The following C9 variants were observed in gnomAD, a reference collection of about 807,000 sequenced individuals.
C9 encodes the protein complement C9, also known as complement component C9.
In C9, 63 loss-of-function variants were observed where a neutral mutation model predicts 65.4. The ratio of observed to expected loss-of-function variants is 0.96; its 90% CI spans 0.79 to 1.19. The LOEUF is 1.19. C9 is among the 50% of genes most tolerant of loss of function. The pLI, the probability that C9 is intolerant of heterozygous loss-of-function variation, is 0.00. For synonymous variants in C9, 229 were observed against 227.9 expected (o/e 1.00, Z -0.04); for missense variants, 744 against 670.1 (o/e 1.11, Z -1.22).
chr5:39,310,091 C>T (rs1221106245), intron 7 of C9, among the ~76,000 whole-genome samples: 1 of 152,136 alleles, frequency 6.6e-6, no homozygotes, highest in Admixed American at 6.6e-5. Flanking sequence ...CCCGGGAAAG[C>T]TTCTCTCTGC....
At chr5:39,300,122 A>G (rs1390249794) in intron 9 of C9, among the ~76,000 whole-genome samples, 1 of 152,110 alleles carries the variant, frequency 6.6e-6, no homozygotes, top group East Asian at 1.9e-4. Context: ...TTTGTCAAAG[A>G]TGAAAATAGG....
At chr5:39,357,146 A>G (rs1754425862) in intron 1 of C9, among the ~76,000 whole-genome samples, 1 of 152,216 alleles carries the variant, frequency 6.6e-6, no homozygotes, top group Non-Finnish European at 1.5e-5. Context: ...AGAAAGCCTC[A>G]GTAGCACCTC....
intron 1 of C9, among the ~76,000 whole-genome samples, chr5:39,347,682 A>G (rs983565973): frequency 1.3e-5 from 2 of 152,210 alleles, no homozygotes; most frequent in African/African-American, 4.8e-5. Context: ...TAAAGTTCAT[A>G]TGGAACCACA....
At chr5:39,340,974 A>C in intron 4 of C9, 172 bp downstream of exon 4, 1 of 735,552 alleles carries the variant, frequency 1.4e-6, no homozygotes, top group South Asian at 1.7e-5. Context: ...TTATCCTGAG[A>C]TGCTTATTTA....
chr5:39,313,591 T>A (rs1753523907), intron 6 of C9, among the ~76,000 whole-genome samples: 1 of 152,194 alleles, frequency 6.6e-6, no homozygotes, highest in Non-Finnish European at 1.5e-5. Flanking sequence ...GATTCTAGCC[T>A]CCCAGCGATG....
At position 39,352,088 on chromosome 5, in the gene C9, G is replaced by A. The variant is rs1374332076; in HGVS notation, c.78-9892C>T. ...CCCAATCATGGTGGAAGGGTGAAGG[G>A]GAAGCAAGCACATCTTCACATAGTG... On this transcript the variant is annotated intron_variant, in intron 1 of 10. Coordinates refer to ENST00000263408, the MANE Select transcript of C9 (RefSeq NM_001737.5). Among the ~76,000 whole-genome samples, 4 of 152,154 alleles carry A rather than the reference G, an allele frequency of 2.6e-5. No homozygotes were observed. In the East Asian group the frequency reaches 5.8e-4, roughly 22 times the overall value.
At chr5:39,318,931 A>G (rs1217723853) in intron 5 of C9, among the ~76,000 whole-genome samples, 4 of 152,216 alleles carry the variant, frequency 2.6e-5, no homozygotes, top group Non-Finnish European at 5.9e-5. Context: ...ATTTATTTCT[A>G]GTCAATCTCT....
intron 5 of C9, among the ~76,000 whole-genome samples, chr5:39,317,692 A>T (rs1391405028): frequency 6.6e-6 from 1 of 152,034 alleles, no homozygotes; most frequent in Non-Finnish European, 1.5e-5. Context: ...ATTGTGTTCC[A>T]TTGGTCTATG....
At chr5:39,359,649 A>G (rs889621577) in intron 1 of C9, among the ~76,000 whole-genome samples, 36 of 152,194 alleles carry the variant, frequency 2.4e-4, no homozygotes, top group African/African-American at 8.4e-4. Context: ...TGGCAGCATT[A>G]TTGGAGCAAA....
Position 39,284,643 on chromosome 5 carries a change from T to C in C9, c.*556A>G, listed in dbSNP as rs1561328411. 6.6e-6 allele frequency: 1 copy of C among 152,540 alleles called. No individual in the cohort carries two copies. The highest frequency in any genetic ancestry group is 2.1e-4 in the South Asian group (1 of 4,848). 9.4% of individuals were successfully genotyped at this position (152,540 alleles called of 1,614,324 possible). ...TAGTAGTTTTTGGTTACAAATATAA[T>C]ATGTTTTCCCCCTTGGACACATGGA... On this transcript the variant is annotated 3_prime_UTR_variant, in exon 11 of 11. Transcript: ENST00000263408.
intron 1 of C9, among the ~76,000 whole-genome samples, chr5:39,353,506 A>G (rs570180600): frequency 6.6e-6 from 1 of 152,298 alleles, no homozygotes; most frequent in African/African-American, 2.4e-5. Flanking sequence ...GCTATTCACT[A>G]TTCACTACAT....
At chr5:39,303,527 A>G (rs1415122552) in intron 9 of C9, among the ~76,000 whole-genome samples, 3 of 148,520 alleles carry the variant, frequency 2.0e-5, no homozygotes, top group Non-Finnish European at 4.5e-5. Context: ...ATAGTATTTT[A>G]TAAATTATAT....
rs753246845 is a variant in C9, at chr5:39,341,213, C to T, written c.409G>A (p.Glu137Lys). 5.0e-6 allele frequency: 8 copies of T among 1,614,172 alleles called. No homozygotes were observed. Among genetic ancestry groups the T allele is most frequent in the South Asian group, 4.4e-5 (4 of 91,080 alleles). ...DFSDEDDCES[E>K]PRPPCRDRVV... ...CTGTCTCTGCAGGGGGGACGGGGCT[C>T]ACTTTCACAATCATCCTCATCTGAA... Residue 137 changes from glutamate to lysine, a missense_variant, in exon 4 of 11, where the codon GAG becomes AAG. Glu to Lys is a moderately conservative substitution (Grantham distance 56, BLOSUM62 1). Coordinates refer to ENST00000263408, the MANE Select transcript of C9 (RefSeq NM_001737.5).
In C9 at chr5:39,288,933, G is replaced by T. The variant is rs1753041041; in HGVS notation, c.1435C>A (p.Leu479Met). The T allele has an allele frequency of 1.9e-6, 3 of 1,600,736 alleles. No homozygotes were observed. The South Asian group carries it at 3.3e-5, about 18-fold the overall frequency. Residue 479 changes from leucine (L) to methionine (M), a missense_variant, in exon 10 of 11, where the codon CTG becomes ATG. Transcript: ENST00000263408. ...ISQKLSPIYN[L>M]VPVKMKNAHL... is the part of the protein sequence containing the mutation. Reference sequence around the variant, plus strand: ...GCATTTTTCATTTTCACTGGAACCAGATTATATATAGGAGACAGCTGAAAG... The same window carrying T: ...GCATTTTTCATTTTCACTGGAACCATATTATATATAGGAGACAGCTGAAAG...
intron 9 of C9, among the ~76,000 whole-genome samples, chr5:39,299,706 T>C (rs1036438303): frequency 1.3e-5 from 2 of 152,072 alleles, no homozygotes; most frequent in Admixed American, 1.3e-4. Flanking sequence ...GATAGAACTG[T>C]GTGGTAGAAA....
chr5:39,331,064 CAAAG>C (rs1426471334), intron 5 of C9, among the ~76,000 whole-genome samples: 3 of 152,042 alleles, frequency 2.0e-5, no homozygotes, highest in South Asian at 2.1e-4. Flanking sequence ...TTGCTTGGAA[CAAAG>C]AAAGAATTTC....
chr5:39,296,390 C>T (rs928373729), intron 9 of C9, among the ~76,000 whole-genome samples: 6 of 151,248 alleles, frequency 4.0e-5, no homozygotes, highest in Admixed American at 4.0e-4. Context: ...AAAGAACACA[C>T]ATAAAAGGCC....
At position 39,334,385 on chromosome 5, in the gene C9, C is replaced by G. The variant is rs545474458; in HGVS notation, c.477-2571G>C. On this transcript the variant is annotated intron_variant, in intron 4 of 10. Coordinates refer to ENST00000263408, the MANE Select transcript of C9 (RefSeq NM_001737.5). ...GAGACCCTCTGCCTGGCAACCGCCC[C>G]GTCTGAGAAGTGAGGAGCCCCTCCG... Among the ~76,000 whole-genome samples the G allele has an allele frequency of 2.7e-5, 4 of 150,066 alleles. No individual in the cohort carries two copies. The East Asian group carries it at 8.0e-4, about 30-fold the overall frequency.
intron 4 of C9, among the ~76,000 whole-genome samples, chr5:39,339,682 T>C: frequency 9.0e-6 from 1 of 111,240 alleles, no homozygotes; most frequent in African/African-American, 3.6e-5. Flanking sequence ...TTTTTTGAGA[T>C]GGAGTCTTGC....
Sources: allele counts gnomAD v4.1 joint callset (sites outside exome capture counted in the v4.1 genomes callset), GRCh38; gene constraint gnomAD v4.1.1; transcripts MANE v1.5; gene names NCBI Gene and HGNC (gene_info 2026-07-23, HGNC 2026-07-21).